Variants in UGGT1 observed in about 807,000 individuals in gnomAD.
The protein encoded by UGGT1 is UDP-glucose:glycoprotein glucosyltransferase 1.
A neutral mutation model predicts 203.9 loss-of-function variants in UGGT1; 107 were observed. That is an observed-to-expected ratio of 0.52 (90% CI 0.45 to 0.62). The LOEUF (loss-of-function observed/expected upper bound fraction) is 0.62, where lower values mean the gene tolerates loss of function less well. Among genes scored for constraint, UGGT1 ranks in the 20% least tolerant of loss-of-function variants. The pLI is 0.00. For missense variants in UGGT1, 1,673 were observed against 1,867.2 expected (o/e 0.90, Z 1.92); for synonymous variants, 628 against 653.5 (o/e 0.96, Z 0.59).
At position 128,184,094 on chromosome 2, in the gene UGGT1, C is replaced by T. The variant is rs114115531; in HGVS notation, c.4359+305C>T. Reference sequence around the variant, plus strand: ...CTTTGTATTTTGTACTCAAACTAATCTCATAGGTTTGTTTCTCTACCTACT... The same window carrying T: ...CTTTGTATTTTGTACTCAAACTAATTTCATAGGTTTGTTTCTCTACCTACT... On this transcript the variant is annotated intron_variant, in intron 38 of 40. Coordinates refer to ENST00000259253, the MANE Select transcript of UGGT1 (RefSeq NM_020120.4). Among the ~76,000 whole-genome samples, 529 of 152,238 alleles carry T rather than the reference C, an allele frequency of 3.5e-3. 3 individuals carry two copies. The highest frequency in any genetic ancestry group is 0.012 in the African/African-American group (510 of 41,536).
At chr2:128,124,994 G>A (rs1286715384) in intron 11 of UGGT1, among the ~76,000 whole-genome samples, 1 of 152,152 alleles carries the variant, frequency 6.6e-6, no homozygotes, top group African/African-American at 2.4e-5. Context: ...AAGGTGTTCT[G>A]TTGTGACCAT....
At chr2:128,133,074 G>C in intron 13 of UGGT1, 67 bp from the exon 14 acceptor site, 1 of 1,559,680 alleles carries the variant, frequency 6.4e-7, no homozygotes, top group Middle Eastern at 1.7e-4. Flanking sequence ...AAGTCTTATT[G>C]ATATTATTGC....
intron 17 of UGGT1, among the ~76,000 whole-genome samples, chr2:128,145,299 AAATT>A (rs1369007963): frequency 6.6e-6 from 1 of 152,188 alleles, no homozygotes; most frequent in Admixed American, 6.5e-5. Context: ...TTTAAAATGG[AAATT>A]AATTAAAGAT....
chr2:128,183,320 G>GT (rs200353438), intron 37 of UGGT1, among the ~76,000 whole-genome samples: 2 of 152,090 alleles, frequency 1.3e-5, no homozygotes, highest in Admixed American at 6.6e-5. Flanking sequence ...ACACTCTGGG[G>GT]TTTTCCCCCC....
At chr2:128,147,899 A>C (rs146726774) in intron 18 of UGGT1, among the ~76,000 whole-genome samples, 1 of 152,164 alleles carries the variant, frequency 6.6e-6, no homozygotes, top group Admixed American at 6.5e-5. Flanking sequence ...GATTACAGGC[A>C]TGAGCCACCA....
chr2:128,156,534 G>T, intron 21 of UGGT1, 119 bp downstream of exon 21: 1 of 721,462 alleles, frequency 1.4e-6, no homozygotes, highest in Non-Finnish European at 2.3e-6. Flanking sequence ...TGGGTAACAG[G>T]AAGCTATATC....
chr2:128,176,409 A>G (rs1282774638), intron 31 of UGGT1, among the ~76,000 whole-genome samples: 1 of 111,916 alleles, frequency 8.9e-6, no homozygotes, highest in Non-Finnish European at 2.1e-5. Context: ...CTCTGTCTCA[A>G]AAAAAAAAAA....
chr2:128,140,410 A>G (rs1156258824), intron 16 of UGGT1: 1 of 152,548 alleles, frequency 6.6e-6, no homozygotes, highest in Admixed American at 6.5e-5. Flanking sequence ...GCCATCCAAC[A>G]CCAGCACACT....
intron 8 of UGGT1, among the ~76,000 whole-genome samples, chr2:128,119,871 C>G (rs1185492496): frequency 6.6e-6 from 1 of 150,552 alleles, no homozygotes; most frequent in African/African-American, 2.4e-5. Context: ...GGAAAACAAA[C>G]AAAAAATAAA....
rs199830155 is a variant in UGGT1, at chr2:128,165,773, A to T, written c.2921+948A>T. On this transcript the variant is annotated intron_variant, in intron 26 of 40. Coordinates refer to ENST00000259253, the MANE Select transcript of UGGT1 (RefSeq NM_020120.4). ...CATCTTTTATTGAAAACTTTTTTTA[A>T]AAAAAAAAAACAGGGTTTCATTCTG... Among the ~76,000 whole-genome samples, 711 of 146,630 alleles carry T rather than the reference A, an allele frequency of 4.8e-3. 7 individuals carry two copies. The highest frequency in any genetic ancestry group is 0.014 in the African/African-American group (582 of 40,692).
chr2:128,116,510 A>G (rs992262240), intron 8 of UGGT1, among the ~76,000 whole-genome samples, 167 bp downstream of exon 8: 5 of 151,988 alleles, frequency 3.3e-5, no homozygotes, highest in South Asian at 2.1e-4. Context: ...AGTTTATAGT[A>G]CAGTTTATGA....
At chr2:128,118,727 T>G (rs1017180327) in intron 8 of UGGT1, among the ~76,000 whole-genome samples, 1 of 152,198 alleles carries the variant, frequency 6.6e-6, no homozygotes, top group African/African-American at 2.4e-5. Context: ...TAGACCTTTT[T>G]TTTTTGTTTG....
At chr2:128,128,871 G>A (rs532437362) in intron 12 of UGGT1, among the ~76,000 whole-genome samples, 158 bp from the exon 13 acceptor site, 1 of 152,154 alleles carries the variant, frequency 6.6e-6, no homozygotes, top group Admixed American at 6.5e-5. Context: ...TAGATTTAGG[G>A]TTATTTTATC....
chr2:128,113,337 C>T, intron 6 of UGGT1, 79 bp downstream of exon 6: 1 of 1,157,448 alleles, frequency 8.6e-7, no homozygotes, highest in Admixed American at 3.6e-5. Context: ...AATAATCTCC[C>T]TCTTTATAAA....
chr2:128,163,486 C>A (rs1285043068), intron 25 of UGGT1, among the ~76,000 whole-genome samples: 1 of 146,680 alleles, frequency 6.8e-6, no homozygotes, highest in Non-Finnish European at 1.5e-5. Flanking sequence ...AAGGCCGAGG[C>A]GGGCGGATCA....
chr2:128,138,902 C>CT, intron 16 of UGGT1, 50 bp downstream of exon 16: 1 of 1,607,406 alleles, frequency 6.2e-7, no homozygotes. Context: ...CTAACTTACT[C>CT]TTAATAACAA....
chr2:128,176,190 G>T (rs558737898), intron 31 of UGGT1, among the ~76,000 whole-genome samples: 14 of 152,232 alleles, frequency 9.2e-5, no homozygotes, highest in African/African-American at 2.6e-4. Context: ...GAGGAGGGTG[G>T]ATCACTTAAG....
At chr2:128,156,515 C>A in intron 21 of UGGT1, 100 bp downstream of exon 21, 1 of 918,636 alleles carries the variant, frequency 1.1e-6, no homozygotes, top group Middle Eastern at 2.9e-4. Context: ...GTACTGTTTC[C>A]GGAATCTGTG....
In UGGT1 at chr2:128,138,785, T is replaced by C; in HGVS notation, c.1652T>C (p.Val551Ala). ...GGGATGCAAGATGCTGGAGTGGCTG[T>C]TCTTAGAGCATATAATTATGTTGCC... The part of the protein sequence containing the change: ...VDGMQDAGVA[V>A]LRAYNYVAQE... Residue 551 changes from valine (V) to alanine (A), a missense_variant, in exon 16 of 41, where the codon GTT becomes GCT. Transcript: ENST00000259253. The C allele has an allele frequency of 3.1e-6, 5 of 1,613,534 alleles. No homozygotes were observed. The highest frequency in any genetic ancestry group is 4.2e-6 in the Non-Finnish European group (5 of 1,179,944).
Sources: gnomAD v4.1 joint callset for allele counts (sites outside exome capture counted in the v4.1 genomes callset) on GRCh38, gnomAD v4.1.1 for gene constraint, MANE v1.5 for transcripts, NCBI Gene and HGNC (gene_info 2026-07-23, HGNC 2026-07-21) for gene names.